The following TOPAZ1 variants were observed in gnomAD, a reference collection of about 807,000 sequenced individuals.
TOPAZ1 encodes protein TOPAZ1.
Under a neutral mutation model 172.2 loss-of-function variants are expected in TOPAZ1, and 66 were observed. That is an observed-to-expected ratio of 0.38 (90% CI 0.31 to 0.47). The LOEUF is 0.47. TOPAZ1 is among the 20% of genes least tolerant of loss of function. The pLI is 0.99. For synonymous variants in TOPAZ1, 681 were observed against 683.9 expected (o/e 1.00, Z 0.07); for missense variants, 1,822 against 1,972.4 (o/e 0.92, Z 1.44).
chr3:44,245,698 G>A (rs563812649), intron 2 of TOPAZ1, among the ~76,000 whole-genome samples: 30 of 151,938 alleles, frequency 2.0e-4, no homozygotes, highest in Admixed American at 1.0e-3. Context: ...CACCATGCCC[G>A]GCTAATTTGT....
chr3:44,246,106 A>T (rs1200895427), intron 2 of TOPAZ1, among the ~76,000 whole-genome samples: 1 of 152,186 alleles, frequency 6.6e-6, no homozygotes, highest in Non-Finnish European at 1.5e-5. Context: ...TAATTTTCAG[A>T]GATAAACAGC....
chr3:44,292,719 C>T (rs969127528), intron 12 of TOPAZ1, among the ~76,000 whole-genome samples: 4 of 152,064 alleles, frequency 2.6e-5, no homozygotes, highest in African/African-American at 7.2e-5. Context: ...TACATGTATA[C>T]GATGTATAAT....
intron 2 of TOPAZ1, among the ~76,000 whole-genome samples, chr3:44,252,537 T>G (rs1305028233): frequency 2.0e-5 from 3 of 152,208 alleles, no homozygotes; most frequent in Non-Finnish European, 4.4e-5. Context: ...AACTATGGTA[T>G]TGGAGGGAGG....
Position 44,262,424 on chromosome 3 carries a change from AT to A in TOPAZ1, c.2964del (p.Phe988LeufsTer5). 1 of 1,482,148 alleles carries A rather than the reference AT, an allele frequency of 6.7e-7. No individual in the cohort carries two copies. Among genetic ancestry groups the A allele is most frequent in the Non-Finnish European group, 9.2e-7 (1 of 1,088,834 alleles). The allele number at this position is 1,482,148 out of a possible 1,614,324, so 91.8% of individuals were successfully genotyped here. On this transcript the variant is annotated frameshift_variant, in exon 5 of 20. Transcript: ENST00000309765. LOFTEE classifies it high-confidence loss of function. ...TAACCATAATCTCTTCACAGCATAG[AT>A]TTACAGACAAAGTGATTACCAAAGA... Reference protein sequence around the residue: ...KGSDLDEKHRFTDKVITKEEK... With the variant: ...KGSDLDEKHRXTDKVITKEEK...
intron 2 of TOPAZ1, among the ~76,000 whole-genome samples, chr3:44,250,438 T>G (rs927076845): frequency 6.6e-6 from 1 of 152,072 alleles, no homozygotes; most frequent in Non-Finnish European, 1.5e-5. Flanking sequence ...TTATTAAATT[T>G]TAATCATAAG....
In TOPAZ1 at chr3:44,243,601, G is replaced by A. The variant is rs762485741; in HGVS notation, c.1095G>A (p.Met365Ile). The A allele has an allele frequency of 1.9e-6, 3 of 1,550,610 alleles. No homozygotes were observed. Among genetic ancestry groups the A allele is most frequent in the Non-Finnish European group, 2.6e-6 (3 of 1,146,978 alleles). ...AGTTGATGTTGCAAGAAAATCAAAT[G>A]ATTGCTGATGGTAAAGAAGCAGAGA... ...KSELMLQENQ[M>I]IADGKEAETK... Residue 365 changes from methionine to isoleucine, a missense_variant, in exon 2 of 20, where the codon ATG (methionine) becomes ATA (isoleucine). Met to Ile is a conservative substitution (Grantham distance 10). Around this residue, in one of 2 missense-constraint regions of TOPAZ1, gnomAD observed 1,489 missense variants for 1,490.8 expected, o/e 1.00. Transcript: ENST00000309765.
At chr3:44,316,267 C>CT (rs1294726665) in intron 16 of TOPAZ1, among the ~76,000 whole-genome samples, 2 of 151,956 alleles carry the variant, frequency 1.3e-5, no homozygotes, top group East Asian at 1.9e-4. Context: ...ATAAAGTAAA[C>CT]TTTTTTTAAA....
At chr3:44,260,320 C>T (rs1452861526) in intron 4 of TOPAZ1, among the ~76,000 whole-genome samples, 2 of 152,124 alleles carry the variant, frequency 1.3e-5, no homozygotes, top group African/African-American at 4.8e-5. Context: ...CATATCTATT[C>T]TTGTCATATG....
chr3:44,300,257 A>G (rs1331503603), intron 12 of TOPAZ1, among the ~76,000 whole-genome samples: 2 of 151,896 alleles, frequency 1.3e-5, no homozygotes, highest in Admixed American at 6.6e-5. Context: ...ACATGGTAAA[A>G]CCCCATCTCT....
intron 4 of TOPAZ1, among the ~76,000 whole-genome samples, chr3:44,257,817 T>G (rs922410846): frequency 5.3e-5 from 8 of 152,174 alleles, no homozygotes; most frequent in African/African-American, 1.9e-4. Context: ...TATGCAGATT[T>G]ATGTGACCAC....
chr3:44,270,692 A>G lies in TOPAZ1; in HGVS notation c.3254A>G (p.Gln1085Arg), dbSNP rs1470424823. Residue 1085 changes from glutamine to arginine, a missense_variant, in exon 8 of 20, where the codon CAG (glutamine) becomes CGG (arginine). Transcript: ENST00000309765. ...FKREKNVGVF[Q>R]KSLGLMIPYK... Reference sequence around the variant, plus strand: ...ATCTTTCTAATTTTCTAGGTGTTCCAGAAGTCCCTAGGGTTGATGATACCC... The same window carrying G: ...ATCTTTCTAATTTTCTAGGTGTTCCGGAAGTCCCTAGGGTTGATGATACCC... The G allele has an allele frequency of 4.5e-6, 7 of 1,541,022 alleles. No individual in the cohort carries two copies. The highest frequency in any genetic ancestry group is 6.1e-6 in the Non-Finnish European group (7 of 1,142,846).
intron 6 of TOPAZ1, among the ~76,000 whole-genome samples, chr3:44,267,755 C>T (rs1449640858): frequency 2.0e-5 from 3 of 152,010 alleles, no homozygotes; most frequent in African/African-American, 4.8e-5. Flanking sequence ...ATATTTTGAA[C>T]AAAATAGACT....
At chr3:44,315,524 C>T (rs978443234) in intron 16 of TOPAZ1, among the ~76,000 whole-genome samples, 11 of 143,958 alleles carry the variant, frequency 7.6e-5, no homozygotes, top group Admixed American at 5.2e-4. Context: ...TGCACCACCA[C>T]GTCTGGCTAT....
At chr3:44,302,136 C>T (rs551769979) in intron 12 of TOPAZ1, among the ~76,000 whole-genome samples, 3 of 152,212 alleles carry the variant, frequency 2.0e-5, no homozygotes, top group South Asian at 4.2e-4. Context: ...CTTGGCTGGG[C>T]GTGGTGGCTC....
chr3:44,265,694 G>A (rs764963968), intron 5 of TOPAZ1, among the ~76,000 whole-genome samples: 9 of 152,204 alleles, frequency 5.9e-5, no homozygotes, highest in Non-Finnish European at 8.8e-5. Context: ...TCAACAGTGG[G>A]CTTAGAATAT....
At chr3:44,274,716 G>T (rs1699934157) in intron 8 of TOPAZ1, among the ~76,000 whole-genome samples, 1 of 151,770 alleles carries the variant, frequency 6.6e-6, no homozygotes. Context: ...CAACATGCCC[G>T]GCTAATTTTG....
chr3:44,275,522 A>G (rs145947671), intron 8 of TOPAZ1, among the ~76,000 whole-genome samples: 1 of 152,162 alleles, frequency 6.6e-6, no homozygotes, highest in East Asian at 1.9e-4. Context: ...GCTGCAGACT[A>G]CATGATTTCA....
At chr3:44,306,669 G>A (rs984620350) in intron 15 of TOPAZ1, among the ~76,000 whole-genome samples, 7 of 152,140 alleles carry the variant, frequency 4.6e-5, no homozygotes, top group Admixed American at 1.3e-4. Flanking sequence ...AGCTGAGTTC[G>A]AGGCCAGCCT....
rs1232593055 is a variant in TOPAZ1 at position 44,243,243 on chromosome 3, A to G, written c.737A>G (p.Tyr246Cys). 14 of 1,551,214 alleles carry G rather than the reference A, an allele frequency of 9.0e-6. No homozygotes were observed. Among genetic ancestry groups the G allele is most frequent in the African/African-American group, 1.4e-5 (1 of 73,050 alleles). The change falls in exon 2 of 20, where the codon TAT (tyrosine) becomes TGT (cysteine). Residue 246 changes from tyrosine (Y) to cysteine (C), a missense_variant. Around this residue, in one of 2 missense-constraint regions of TOPAZ1, gnomAD observed 1,489 missense variants for 1,490.8 expected, o/e 1.00. Transcript: ENST00000309765. ...KGCNDENNLP[Y>C]KPDGGCMHVA... Reference sequence around the variant, plus strand: ...TGTAATGATGAAAACAACCTGCCATATAAACCTGATGGTGGATGTATGCAT... The same window carrying G: ...TGTAATGATGAAAACAACCTGCCATGTAAACCTGATGGTGGATGTATGCAT...
Sources: gnomAD v4.1 joint callset for allele counts (sites outside exome capture counted in the v4.1 genomes callset) on GRCh38, gnomAD v4.1.1 for gene constraint, gnomAD v4.1.1 regional missense constraint, MANE v1.5 for transcripts, NCBI Gene and HGNC (gene_info 2026-07-23, HGNC 2026-07-21) for gene names.